The following STRIP2 variants were observed in gnomAD, a reference collection of about 807,000 sequenced individuals.
STRIP2 encodes the protein striatin interacting protein 2, also known as striatin-interacting protein 2.
A neutral mutation model predicts 107.1 loss-of-function variants in STRIP2; 84 were observed. The observed-to-expected ratio is 0.78, with a 90% CI of 0.66 to 0.94. STRIP2 has a LOEUF of 0.94. STRIP2 is among the 40% of genes least tolerant of loss of function. The pLI is 0.00. For synonymous variants in STRIP2, 394 were observed against 400.4 expected (o/e 0.98, Z 0.19); for missense variants, 888 against 1,034.2 (o/e 0.86, Z 1.94).
Position 129,482,944 on chromosome 7 carries a change from A to G in STRIP2, c.2152A>G (p.Lys718Glu). 6.2e-7 allele frequency: 1 copy of G among 1,614,192 alleles called. No homozygotes were observed. Among genetic ancestry groups the G allele is most frequent in the Non-Finnish European group, 8.5e-7 (1 of 1,180,034 alleles). The change falls in exon 20 of 21, where the codon AAG becomes GAG. Residue 718 changes from lysine (K) to glutamate (E), a missense_variant. Transcript: ENST00000249344. ...YVLKLLKLQT[K>E]YLGRQWRKSN... ...CCTAAAGCTACTAAAGTTACAGACC[A>G]AGTACCTGGGGCGCCAATGGAGGAA...
chr7:129,458,214 G>T lies in STRIP2; in HGVS notation c.1039-1G>T. The T allele has an allele frequency of 6.2e-7, 1 of 1,613,412 alleles. No homozygotes were observed. The highest frequency in any genetic ancestry group is 8.5e-7 in the Non-Finnish European group (1 of 1,179,446). ...CCTACCCTCCCTTCTTTCCCCTCCA[G>T]CAACTCCTCACTAAGCAGGACAGCC... On this transcript the variant is annotated splice_acceptor_variant, in intron 9 of 20. Coordinates refer to ENST00000249344, the MANE Select transcript of STRIP2 (RefSeq NM_020704.3). LOFTEE classifies it high-confidence loss of function. This position sits in a 1 kb window ranked among gnomAD's most constrained non-coding sequence, Gnocchi z 4.6.
intron 18 of STRIP2, among the ~76,000 whole-genome samples, chr7:129,474,049 T>C (rs1798857502): frequency 6.6e-6 from 1 of 152,226 alleles, no homozygotes; most frequent in African/African-American, 2.4e-5. Flanking sequence ...ACACATAATA[T>C]TCCACTATTT....
chr7:129,475,202 GTA>G (rs1798883422), intron 18 of STRIP2, among the ~76,000 whole-genome samples: 2 of 151,482 alleles, frequency 1.3e-5, no homozygotes, highest in African/African-American at 4.8e-5. Flanking sequence ...TGTGGGCTCA[GTA>G]TGTATTTTGC....
intron 18 of STRIP2, among the ~76,000 whole-genome samples, chr7:129,473,560 CG>C (rs1461211903): frequency 6.6e-6 from 1 of 152,068 alleles, no homozygotes; most frequent in South Asian, 2.1e-4. Flanking sequence ...TTTGTAGAGA[CG>C]GGGTCTTTGT....
At chr7:129,477,580 A>G (rs2151017323) in intron 18 of STRIP2, among the ~76,000 whole-genome samples, 1 of 152,190 alleles carries the variant, frequency 6.6e-6, no homozygotes, top group East Asian at 1.9e-4. Flanking sequence ...ACAATCTTGA[A>G]ATTTTTTTTT....
At position 129,475,361 on chromosome 7, in the gene STRIP2, T is replaced by A. The variant is rs954584161; in HGVS notation, c.1944+4646T>A. ...TTTTTTATTTTTTATTTATTTTTTT[T>A]ATTGATCATTCTTGGGTGTTTCTCG... is the stretch of plus-strand genomic sequence containing the variant. On this transcript the variant is annotated intron_variant, in intron 18 of 20. Coordinates refer to ENST00000249344, the MANE Select transcript of STRIP2 (RefSeq NM_020704.3). Among the ~76,000 whole-genome samples the A allele has an allele frequency of 7.3e-5, 11 of 151,722 alleles. No homozygotes were observed. The East Asian group carries it at 1.4e-3, about 19-fold the overall frequency.
chr7:129,470,310 C>T (rs1798761347), intron 17 of STRIP2, among the ~76,000 whole-genome samples: 1 of 152,240 alleles, frequency 6.6e-6, no homozygotes, highest in Non-Finnish European at 1.5e-5. Context: ...CAGTTATATT[C>T]ACACATACAG....
intron 3 of STRIP2, among the ~76,000 whole-genome samples, chr7:129,446,100 G>T (rs529693392): frequency 6.6e-6 from 1 of 152,166 alleles, no homozygotes; most frequent in African/African-American, 2.4e-5. Flanking sequence ...GTGAGTGGAA[G>T]TCCATGTTAC....
intron 3 of STRIP2, among the ~76,000 whole-genome samples, chr7:129,444,436 G>T (rs1797981953): frequency 6.6e-6 from 1 of 152,136 alleles, no homozygotes; most frequent in Non-Finnish European, 1.5e-5. Context: ...GAAAGGCTAG[G>T]CCCATCTCTC....
chr7:129,474,266 A>T (rs1798862689), intron 18 of STRIP2, among the ~76,000 whole-genome samples: 1 of 151,250 alleles, frequency 6.6e-6, no homozygotes, highest in African/African-American at 2.4e-5. Context: ...TCAGCCACCC[A>T]AGTAGCTAGG....
chr7:129,477,852 A>G, intron 18 of STRIP2: 1 of 427,246 alleles, frequency 2.3e-6, no homozygotes. Flanking sequence ...ATCTCAAGGC[A>G]TCTGTGAGCC....
At chr7:129,441,229 T>C (rs1337448338) in intron 2 of STRIP2, among the ~76,000 whole-genome samples, 2 of 152,050 alleles carry the variant, frequency 1.3e-5, no homozygotes, top group African/African-American at 4.8e-5. Flanking sequence ...CTGGGGTTGG[T>C]GAGGGTGCAG....
At position 129,450,918 on chromosome 7, in the gene STRIP2, C is replaced by CTT. The variant is rs758536953; in HGVS notation, c.275-660_275-659dup. ...GGCCACAGCATTAGTGAGAAAGGTCCTTTTTTTTTTTTTTTTTTTTTTTTT... is the reference window on the plus strand; with the variant it reads ...GGCCACAGCATTAGTGAGAAAGGTCCTTTTTTTTTTTTTTTTTTTTTTTTTTT... On this transcript the variant is annotated intron_variant, in intron 3 of 20. Coordinates refer to ENST00000249344, the MANE Select transcript of STRIP2 (RefSeq NM_020704.3). Among the ~76,000 whole-genome samples, 81 of 54,512 alleles carry CTT rather than the reference C, an allele frequency of 1.5e-3. 21 individuals carry two copies. Among genetic ancestry groups the CTT allele is most frequent in the Middle Eastern group, 0.033 (2 of 60 alleles). 35.8% of individuals were successfully genotyped at this position (54,512 alleles called of 152,430 possible).
At chr7:129,479,274 C>CAAAAAAATATAA (rs1799054579) in intron 18 of STRIP2, among the ~76,000 whole-genome samples, 1 of 135,738 alleles carries the variant, frequency 7.4e-6, no homozygotes. Context: ...AACTCTGTCT[C>CAAAAAAATATAA]AAAAAAAAAA....
intron 18 of STRIP2, among the ~76,000 whole-genome samples, chr7:129,476,021 T>C (rs1798918766): frequency 6.6e-6 from 1 of 151,864 alleles, no homozygotes; most frequent in South Asian, 2.1e-4. Context: ...ATTTCCCCCC[T>C]CTCTATTGGA....
At chr7:129,480,958 T>A in intron 19 of STRIP2, 69 bp downstream of exon 19, 1 of 1,203,688 alleles carries the variant, frequency 8.3e-7, no homozygotes, top group Non-Finnish European at 1.2e-6. Flanking sequence ...CTAGTAAATA[T>A]TTGTGTGCTA....
In STRIP2 at chr7:129,486,487, C is replaced by G. The variant is rs1799246113; in HGVS notation, c.*658C>G. The G allele has an allele frequency of 6.5e-6, 1 of 153,312 alleles. No homozygotes were observed. The highest frequency in any genetic ancestry group is 1.5e-5 in the Non-Finnish European group (1 of 68,900). The allele number at this position is 153,312 out of a possible 1,614,324, so 9.5% of individuals were successfully genotyped here. A position where few individuals can be genotyped will look rare whatever the true frequency, so the allele number is the denominator to read the frequency against. ...AATGTGAAAATTATTTCCTTGTGTA[C>G]TCTGTATAGGGCATGGAATGCTCTG... On this transcript the variant is annotated 3_prime_UTR_variant, in exon 21 of 21. Transcript: ENST00000249344.
chr7:129,469,785 T>C (rs949133900), intron 17 of STRIP2, among the ~76,000 whole-genome samples: 2 of 152,358 alleles, frequency 1.3e-5, no homozygotes, highest in Non-Finnish European at 2.9e-5. Flanking sequence ...ACAGGTTCAT[T>C]ATAGCAGTGT....
intron 8 of STRIP2, 72 bp downstream of exon 8, chr7:129,455,443 C>G: frequency 6.5e-7 from 1 of 1,537,370 alleles, no homozygotes; most frequent in Non-Finnish European, 8.7e-7. Flanking sequence ...CTTCTAGTCT[C>G]ATTCCAGGAG....
Sources: gnomAD v4.1 joint callset for allele counts (sites outside exome capture counted in the v4.1 genomes callset) on GRCh38, gnomAD v4.1.1 for gene constraint, Gnocchi (gnomAD v3.1) non-coding constraint, MANE v1.5 for transcripts, NCBI Gene and HGNC (gene_info 2026-07-23, HGNC 2026-07-21) for gene names.